SPRED2: variants seen among roughly 807,000 people sequenced by gnomAD.
SPRED2 encodes the protein sprouty-related, EVH1 domain-containing protein 2.
In SPRED2, 47 loss-of-function variants were observed where a neutral mutation model predicts 43.0. That is an observed-to-expected ratio of 1.09 (90% CI 0.87 to 1.40). SPRED2 has a LOEUF of 1.40. Among genes scored for constraint, SPRED2 ranks in the 40% most tolerant of loss-of-function variants. SPRED2 has a pLI of 0.00. For missense variants in SPRED2, 561 were observed against 586.4 expected, an observed-to-expected ratio of 0.96 and a Z score of 0.45; for synonymous variants, 225 against 225.7, an observed-to-expected ratio of 1.00 and a Z score of 0.03.
At chr2:65,333,179 T>G (rs754187089) in intron 3 of SPRED2, among the ~76,000 whole-genome samples, 12 of 148,554 alleles carry the variant, frequency 8.1e-5, no homozygotes, top group Non-Finnish European at 1.2e-4. Context: ...GGCATGAGAA[T>G]CGCTTGAACC....
At chr2:65,355,545 C>T (rs892572854) in intron 1 of SPRED2, among the ~76,000 whole-genome samples, 5 of 151,980 alleles carry the variant, frequency 3.3e-5, no homozygotes, top group Non-Finnish European at 5.9e-5. Context: ...GGAGAAAGCT[C>T]GTCTCCATCA....
chr2:65,327,721 T>C (rs1038378826), intron 4 of SPRED2, among the ~76,000 whole-genome samples: 4 of 114,900 alleles, frequency 3.5e-5, no homozygotes, highest in East Asian at 2.3e-4. Context: ...TTCTTTTTTT[T>C]TTTTTTTTTT....
chr2:65,362,274 T>TG (rs1374513081), intron 1 of SPRED2, among the ~76,000 whole-genome samples: 3 of 151,698 alleles, frequency 2.0e-5, no homozygotes, highest in African/African-American at 7.3e-5. Flanking sequence ...TTTTTTTTTG[T>TG]TTTTGTTTTT....
chr2:65,395,187 C>T (rs577343568), intron 1 of SPRED2, among the ~76,000 whole-genome samples: 1 of 152,268 alleles, frequency 6.6e-6, no homozygotes, highest in African/African-American at 2.4e-5. Flanking sequence ...ACTTCTCGCT[C>T]CGTGGCCCCG....
intron 1 of SPRED2, among the ~76,000 whole-genome samples, chr2:65,413,126 A>G (rs1572901794): frequency 6.6e-6 from 1 of 152,326 alleles, no homozygotes; most frequent in East Asian, 1.9e-4. Flanking sequence ...AAGTGACCAT[A>G]CTGACACCAA....
chr2:65,422,505 A>G (rs1000126990), intron 1 of SPRED2, among the ~76,000 whole-genome samples: 1 of 152,214 alleles, frequency 6.6e-6, no homozygotes, highest in Non-Finnish European at 1.5e-5. Context: ...TATTTGCAGT[A>G]AGTGAATGGC....
chr2:65,391,615 G>A (rs1286983541), intron 1 of SPRED2, among the ~76,000 whole-genome samples: 1 of 152,154 alleles, frequency 6.6e-6, no homozygotes, highest in Non-Finnish European at 1.5e-5. Flanking sequence ...CTTATCAACA[G>A]TTTCACTCAC....
intron 1 of SPRED2, among the ~76,000 whole-genome samples, chr2:65,393,203 G>C (rs577894791): frequency 6.6e-6 from 1 of 151,950 alleles, no homozygotes; most frequent in African/African-American, 2.4e-5. Flanking sequence ...CCAATGTTGC[G>C]AATGTGGCAT....
At chr2:65,363,202 G>A (rs6715061) in intron 1 of SPRED2, among the ~76,000 whole-genome samples, 57,529 of 139,106 alleles carry the variant, frequency 0.41, 12,158 homozygotes, top group East Asian at 0.7. Flanking sequence ...TTGTGCCATT[G>A]CACTCCACCC....
intron 1 of SPRED2, among the ~76,000 whole-genome samples, chr2:65,371,904 CG>C (rs1675133893): frequency 6.6e-6 from 1 of 151,944 alleles, no homozygotes; most frequent in South Asian, 2.1e-4. Context: ...GGTGAAAGCC[CG>C]TCTCTACTAA....
At chr2:65,344,460 A>G in intron 2 of SPRED2, 1 of 587,506 alleles carries the variant, frequency 1.7e-6, no homozygotes, top group East Asian at 3.8e-5. Flanking sequence ...AGACATCTTA[A>G]TCAAAGATGC....
At chr2:65,321,916 GCACGTGCCAA>G (rs935752655) in intron 4 of SPRED2, among the ~76,000 whole-genome samples, 1 of 152,030 alleles carries the variant, frequency 6.6e-6, no homozygotes, top group African/African-American at 2.4e-5. Context: ...GGGATTACAA[GCACGTGCCAA>G]CACGTTTGGC....
At chr2:65,403,337 C>T (rs554042056) in intron 1 of SPRED2, among the ~76,000 whole-genome samples, 3 of 152,338 alleles carry the variant, frequency 2.0e-5, no homozygotes, top group Admixed American at 1.3e-4. Flanking sequence ...GTGGTGCATG[C>T]ATCAAAGCTC....
At chr2:65,401,926 A>AGCGCGCGCGCGT (rs1553426557) in intron 1 of SPRED2, among the ~76,000 whole-genome samples, 10 of 121,958 alleles carry the variant, frequency 8.2e-5, no homozygotes, top group African/African-American at 3.2e-4. Context: ...TCAGAATATT[A>AGCGCGCGCGCGT]GCGCGCGCGC....
intron 1 of SPRED2, among the ~76,000 whole-genome samples, chr2:65,412,156 G>GAA (rs1264942423): frequency 2.0e-5 from 3 of 151,534 alleles, no homozygotes; most frequent in South Asian, 2.1e-4. Context: ...GAAAGAAAAA[G>GAA]AAAAAGAAAA....
intron 1 of SPRED2, among the ~76,000 whole-genome samples, chr2:65,345,813 A>G (rs1356766223): frequency 6.6e-6 from 1 of 152,166 alleles, no homozygotes; most frequent in Admixed American, 6.5e-5. Flanking sequence ...CAATTTCACA[A>G]TAAGTTCTTC....
chr2:65,347,572 G>A (rs1330231035), intron 1 of SPRED2, among the ~76,000 whole-genome samples: 4 of 151,984 alleles, frequency 2.6e-5, no homozygotes, highest in Non-Finnish European at 5.9e-5. Context: ...CCTACGCTTT[G>A]TACCAGCACT....
intron 1 of SPRED2, among the ~76,000 whole-genome samples, chr2:65,370,077 T>C (rs1341967341): frequency 1.3e-5 from 2 of 152,222 alleles, no homozygotes; most frequent in Non-Finnish European, 2.9e-5. Context: ...GCAGGTACTG[T>C]AGGCTGACTG....
At chr2:65,327,922 C>G (rs1050637613) in intron 4 of SPRED2, among the ~76,000 whole-genome samples, 1 of 151,676 alleles carries the variant, frequency 6.6e-6, no homozygotes. Flanking sequence ...TGGGGTTTCA[C>G]CATGTTGGCC....
Sources: allele counts gnomAD v4.1 joint callset (sites outside exome capture counted in the v4.1 genomes callset), GRCh38; gene constraint gnomAD v4.1.1; transcripts MANE v1.5; gene names NCBI Gene and HGNC (gene_info 2026-07-23, HGNC 2026-07-21).